Variants in ADAMTS3 observed in about 807,000 individuals in gnomAD.
The protein encoded by ADAMTS3 is ADAM metallopeptidase with thrombospondin type 1 motif 3, also known as A disintegrin and metalloproteinase with thrombospondin motifs 3.
ADAMTS3 carries 73 observed loss-of-function variants against 129.0 expected under a neutral mutation model. The observed-to-expected ratio is 0.57, with a 90% CI of 0.47 to 0.69. ADAMTS3 has a LOEUF of 0.69. Ranked by LOEUF, ADAMTS3 falls within the 30% of genes least tolerant of loss-of-function variation. The probability of loss-of-function intolerance (pLI) is 0.00; values close to 1 mark genes in which losing one functional copy is unlikely to be tolerated. For missense variants in ADAMTS3, 1,457 were observed against 1,514.5 expected (o/e 0.96, Z 0.63); for synonymous variants, 477 against 510.8 (o/e 0.93, Z 0.89).
At chr4:72,357,342 TAGC>T (rs1287885817) in intron 4 of ADAMTS3, among the ~76,000 whole-genome samples, 3 of 152,070 alleles carry the variant, frequency 2.0e-5, no homozygotes, top group Non-Finnish European at 2.9e-5. Context: ...CTATTTATAA[TAGC>T]AGCAACTGAA....
At chr4:72,474,230 C>A (rs927516438) in intron 3 of ADAMTS3, among the ~76,000 whole-genome samples, 1 of 152,042 alleles carries the variant, frequency 6.6e-6, no homozygotes, top group Non-Finnish European at 1.5e-5. Context: ...TTAATAGATG[C>A]CAACACTAAG....
chr4:72,435,554 T>C (rs1722800491), intron 3 of ADAMTS3, among the ~76,000 whole-genome samples: 1 of 151,908 alleles, frequency 6.6e-6, no homozygotes, highest in African/African-American at 2.4e-5. Flanking sequence ...TGAATAGTTT[T>C]ATTAGCTCTG....
At chr4:72,364,115 C>CTG (rs1560487405) in intron 4 of ADAMTS3, among the ~76,000 whole-genome samples, 2 of 151,970 alleles carry the variant, frequency 1.3e-5, no homozygotes, top group Non-Finnish European at 2.9e-5. Flanking sequence ...AGGAATCATC[C>CTG]AGTCCATAGT....
intron 3 of ADAMTS3, among the ~76,000 whole-genome samples, chr4:72,514,832 CT>C (rs945272702): frequency 5.9e-5 from 9 of 151,466 alleles, no homozygotes; most frequent in Admixed American, 1.3e-4. Flanking sequence ...ATCTTTTTTC[CT>C]TTTTTTTAAT....
chr4:72,513,426 A>G (rs1395224685), intron 3 of ADAMTS3, among the ~76,000 whole-genome samples: 5 of 152,116 alleles, frequency 3.3e-5, no homozygotes, highest in Non-Finnish European at 7.4e-5. Flanking sequence ...TTATCTAGCT[A>G]TTGCAGTAGC....
At position 72,489,699 on chromosome 4, in the gene ADAMTS3, T is replaced by C. The variant is rs557098969; in HGVS notation, c.504+58779A>G. On this transcript the variant is annotated intron_variant, in intron 3 of 21. Transcript: ENST00000286657. Reference sequence around the variant, plus strand: ...TTATCATCTCACATCCTCACATGCATATTTTATTATTAGTTATTTGTATTA... The same window carrying C: ...TTATCATCTCACATCCTCACATGCACATTTTATTATTAGTTATTTGTATTA... Among the ~76,000 whole-genome samples, 3 of 152,072 alleles carry C rather than the reference T, an allele frequency of 2.0e-5. No homozygotes were observed. In the South Asian group the frequency reaches 6.2e-4, roughly 32 times the overall value.
intron 3 of ADAMTS3, among the ~76,000 whole-genome samples, chr4:72,521,029 G>A (rs369134482): frequency 8.7e-5 from 13 of 150,246 alleles, no homozygotes; most frequent in East Asian, 5.9e-4. Context: ...ACAGAGTCTC[G>A]TTCAGTCACC....
At chr4:72,420,735 G>A (rs1395598905) in intron 3 of ADAMTS3, among the ~76,000 whole-genome samples, 1 of 152,196 alleles carries the variant, frequency 6.6e-6, no homozygotes, top group Non-Finnish European at 1.5e-5. Flanking sequence ...AAACAACAAA[G>A]AAGGAAGGCA....
At chr4:72,387,479 C>CCAAA (rs113479552) in intron 4 of ADAMTS3, among the ~76,000 whole-genome samples, 12 of 152,228 alleles carry the variant, frequency 7.9e-5, no homozygotes, top group African/African-American at 2.9e-4. Flanking sequence ...TAATGATATG[C>CCAAA]CAAACCAGGT....
At chr4:72,539,393 A>C (rs1165397079) in intron 3 of ADAMTS3, among the ~76,000 whole-genome samples, 1 of 151,780 alleles carries the variant, frequency 6.6e-6, no homozygotes, top group Non-Finnish European at 1.5e-5. Flanking sequence ...CAACAGGCAC[A>C]CGAAGAGATG....
intron 3 of ADAMTS3, among the ~76,000 whole-genome samples, chr4:72,516,382 G>C (rs1400721010): frequency 2.0e-5 from 3 of 152,118 alleles, no homozygotes; most frequent in African/African-American, 7.2e-5. Flanking sequence ...GAAAGTCATT[G>C]GTAACTTGAT....
chr4:72,419,340 T>C (rs936651024), intron 3 of ADAMTS3, among the ~76,000 whole-genome samples: 2 of 152,214 alleles, frequency 1.3e-5, no homozygotes, highest in Admixed American at 6.5e-5. Flanking sequence ...AAATATGTAT[T>C]CAATAAAGTT....
rs1215003913 is a variant in ADAMTS3, at chr4:72,408,910, C to T, written c.661+5905G>A. Among the ~76,000 whole-genome samples the T allele has an allele frequency of 1.9e-4, 28 of 151,222 alleles. No homozygotes were observed. The South Asian group carries it at 1.9e-3, about 10-fold the overall frequency. Reference sequence around the variant, plus strand: ...GGAGGAGAACATCACACACCAGGGCCGGTCGGGGGGTGGGGGCCTAGGGGA... The same window carrying T: ...GGAGGAGAACATCACACACCAGGGCTGGTCGGGGGGTGGGGGCCTAGGGGA... On this transcript the variant is annotated intron_variant, in intron 4 of 21. Coordinates refer to ENST00000286657, the MANE Select transcript of ADAMTS3 (RefSeq NM_014243.3).
At chr4:72,294,931 A>G (rs1369481194) in intron 19 of ADAMTS3, among the ~76,000 whole-genome samples, 1 of 152,030 alleles carries the variant, frequency 6.6e-6, no homozygotes, top group Non-Finnish European at 1.5e-5. Flanking sequence ...TAAAAAGTCC[A>G]AGCTGGAGCT....
intron 5 of ADAMTS3, among the ~76,000 whole-genome samples, chr4:72,330,992 G>A (rs867503897): frequency 7.2e-5 from 11 of 152,292 alleles, no homozygotes; most frequent in Non-Finnish European, 1.3e-4. Flanking sequence ...ACAAAGTAAG[G>A]AAGGATAAGG....
chr4:72,305,567 C>T (rs1713676908), intron 16 of ADAMTS3, among the ~76,000 whole-genome samples: 1 of 151,794 alleles, frequency 6.6e-6, no homozygotes, highest in African/African-American at 2.4e-5. Flanking sequence ...ATTTTTCCCT[C>T]ATATAGTTAG....
At chr4:72,403,610 G>T (rs1035485212) in intron 4 of ADAMTS3, among the ~76,000 whole-genome samples, 6 of 151,938 alleles carry the variant, frequency 3.9e-5, no homozygotes, top group Non-Finnish European at 5.9e-5. Context: ...GTGGTAAGGT[G>T]TGCTTGAGTT....
chr4:72,351,092 C>T (rs568805013), intron 4 of ADAMTS3, among the ~76,000 whole-genome samples: 8 of 151,900 alleles, frequency 5.3e-5, no homozygotes, highest in South Asian at 2.1e-4. Flanking sequence ...TGAGGCTCAC[C>T]TCATATGTTT....
At chr4:72,567,824 G>A (rs191792279) in intron 1 of ADAMTS3, among the ~76,000 whole-genome samples, 1 of 152,284 alleles carries the variant, frequency 6.6e-6, no homozygotes, top group Admixed American at 6.5e-5. Context: ...GTTCAGACCA[G>A]GCCGACCGGA....
Sources: allele counts gnomAD v4.1 joint callset (sites outside exome capture counted in the v4.1 genomes callset), GRCh38; gene constraint gnomAD v4.1.1; transcripts MANE v1.5; gene names NCBI Gene and HGNC (gene_info 2026-07-23, HGNC 2026-07-21).